CCAR1: variants seen among roughly 807,000 people sequenced by gnomAD.
CCAR1 encodes the protein cell division cycle and apoptosis regulator protein 1.
A neutral mutation model predicts 163.8 loss-of-function variants in CCAR1; 78 were observed. The ratio of observed to expected loss-of-function variants is 0.48; its 90% CI spans 0.40 to 0.57. The LOEUF (loss-of-function observed/expected upper bound fraction) is 0.57, where lower values mean the gene tolerates loss of function less well. Among genes scored for constraint, CCAR1 ranks in the 20% least tolerant of loss-of-function variants. CCAR1 has a pLI of 0.00. For synonymous variants in CCAR1, 443 were observed against 460.7 expected, an observed-to-expected ratio of 0.96 and a Z score of 0.49; for missense variants, 1,019 against 1,365.2, an observed-to-expected ratio of 0.75 and a Z score of 4.00.
At chr10:68,726,733 C>T (rs2055952980) in intron 2 of CCAR1, among the ~76,000 whole-genome samples, 1 of 152,030 alleles carries the variant, frequency 6.6e-6, no homozygotes, top group African/African-American at 2.4e-5. Flanking sequence ...CGTGGTGACT[C>T]ATGCCTGTAA....
chr10:68,775,632 TC>T (rs2056655802), intron 19 of CCAR1, among the ~76,000 whole-genome samples: 1 of 147,568 alleles, frequency 6.8e-6, no homozygotes, highest in African/African-American at 2.5e-5. Context: ...GCCTCAGCCT[TC>T]CGAGTAGCTG....
intron 2 of CCAR1, among the ~76,000 whole-genome samples, chr10:68,731,550 G>A (rs554008852): frequency 6.7e-6 from 1 of 148,700 alleles, no homozygotes; most frequent in African/African-American, 2.5e-5. Flanking sequence ...ATTTTTCCTA[G>A]CAGTCAAAAT....
intron 19 of CCAR1, among the ~76,000 whole-genome samples, chr10:68,776,170 T>C (rs767238610): frequency 6.6e-6 from 1 of 152,148 alleles, no homozygotes; most frequent in Non-Finnish European, 1.5e-5. Flanking sequence ...TTAATGTTGG[T>C]TTCATCCATT....
At chr10:68,761,783 G>A (rs1313226392) in intron 16 of CCAR1, among the ~76,000 whole-genome samples, 1 of 151,312 alleles carries the variant, frequency 6.6e-6, no homozygotes, top group Non-Finnish European at 1.5e-5. Flanking sequence ...TGTGTTTTTA[G>A]TAGAGAAGGT....
intron 14 of CCAR1, 72 bp from the exon 15 acceptor site, chr10:68,757,222 G>T: frequency 1.2e-6 from 1 of 848,406 alleles, no homozygotes; most frequent in South Asian, 1.6e-5. Context: ...ATCAGCAACA[G>T]ACTTTTAAAA....
intron 19 of CCAR1, among the ~76,000 whole-genome samples, chr10:68,779,884 A>G (rs2056714690): frequency 6.6e-6 from 1 of 152,200 alleles, no homozygotes; most frequent in African/African-American, 2.4e-5. Context: ...GTGTAGTGAC[A>G]TGGAAAAAGA....
chr10:68,788,580 A>G (rs1023214369), intron 23 of CCAR1, among the ~76,000 whole-genome samples: 3 of 151,982 alleles, frequency 2.0e-5, no homozygotes, highest in Admixed American at 6.6e-5. Flanking sequence ...TGCCTCCCGG[A>G]TCCAAGTGAT....
At position 68,786,603 on chromosome 10, in the gene CCAR1, T is replaced by A; in HGVS notation, c.2791T>A (p.Tyr931Asn). The change falls in exon 21 of 25, where the codon TAT becomes AAT. Residue 931 changes from tyrosine (Y) to asparagine (N), a missense_variant. Physicochemically the swap from Tyr to Asn is moderately radical, Grantham distance 143 (BLOSUM62 -2). Transcript: ENST00000265872. The part of the protein sequence containing the change: ...INRDLLMAFV[Y>N]FDQSHCGYLL... ...CAGAGATCTGTTAATGGCTTTTGTT[T>A]ATTTTGATCAAAGTCATTGTGGTTA... is the stretch of plus-strand genomic sequence containing the variant. The A allele has an allele frequency of 6.2e-7, 1 of 1,602,680 alleles. No individual in the cohort carries two copies. Among genetic ancestry groups the A allele is most frequent in the Non-Finnish European group, 8.5e-7 (1 of 1,174,174 alleles).
At chr10:68,790,643 C>G (rs2056842455) in intron 24 of CCAR1, among the ~76,000 whole-genome samples, 2 of 152,064 alleles carry the variant, frequency 1.3e-5, no homozygotes, top group Admixed American at 1.3e-4. Flanking sequence ...ATCCTCCCAC[C>G]TCAGCCTCCT....
At chr10:68,721,379 G>A (rs141567791) in intron 1 of CCAR1, 97 bp downstream of exon 1, 5,001 of 289,218 alleles carry the variant, frequency 0.017, 84 homozygotes, top group Non-Finnish European at 0.024. Context: ...CGATCTTTTG[G>A]GTAGCCCGGC....
At chr10:68,730,147 C>T (rs1355291813) in intron 2 of CCAR1, among the ~76,000 whole-genome samples, 1 of 151,800 alleles carries the variant, frequency 6.6e-6, no homozygotes, top group Non-Finnish European at 1.5e-5. Flanking sequence ...GTCTCAAACT[C>T]CTAACCCCCT....
At chr10:68,725,912 C>G (rs895046520) in intron 2 of CCAR1, among the ~76,000 whole-genome samples, 1 of 151,648 alleles carries the variant, frequency 6.6e-6, no homozygotes, top group African/African-American at 2.4e-5. Flanking sequence ...ATCCAGGAGT[C>G]CAAGACCAGC....
chr10:68,742,445 T>A lies in CCAR1; in HGVS notation c.394T>A (p.Tyr132Asn). Residue 132 changes from tyrosine to asparagine, a missense_variant, in exon 6 of 25, where the codon TAT becomes AAT. Physicochemically the swap from Tyr to Asn is moderately radical, Grantham distance 143 (BLOSUM62 -2). This residue lies in a region of CCAR1 where 644 missense variants were observed against 904.4 expected (regional missense o/e 0.71). Transcript: ENST00000265872. ...GCCAACAGCACAAATAACTGTATCA[T>A]ATCCAACACCAAGGTCCAGTCAACA... ...PQPTAQITVS[Y>N]PTPRSSQQQT... 6.2e-7 allele frequency: 1 copy of A among 1,614,224 alleles called. No individual in the cohort carries two copies. The highest frequency in any genetic ancestry group is 8.5e-7 in the Non-Finnish European group (1 of 1,180,044).
intron 8 of CCAR1, among the ~76,000 whole-genome samples, chr10:68,748,856 T>C (rs1031483318): frequency 6.6e-6 from 1 of 152,110 alleles, no homozygotes; most frequent in Non-Finnish European, 1.5e-5. Flanking sequence ...TTTGCACCTT[T>C]TTTTAGAGAT....
At chr10:68,723,822 T>G (rs2133291340) in intron 2 of CCAR1, among the ~76,000 whole-genome samples, 1 of 144,028 alleles carries the variant, frequency 6.9e-6, no homozygotes, top group Admixed American at 7.4e-5. Context: ...CACTTCAGCC[T>G]GGGTGACAGA....
intron 16 of CCAR1, among the ~76,000 whole-genome samples, chr10:68,764,090 ATATT>A (rs754753870): frequency 6.6e-5 from 10 of 152,196 alleles, no homozygotes; most frequent in Non-Finnish European, 1.3e-4. Context: ...ATTTAAATCT[ATATT>A]TATTTCTATA....
At chr10:68,766,195 G>A (rs1589179147) in intron 17 of CCAR1, 116 bp downstream of exon 17, 3 of 670,256 alleles carry the variant, frequency 4.5e-6, no homozygotes, top group East Asian at 2.9e-5. Flanking sequence ...GGTTTTTTTT[G>A]TTTTGTTTTG....
chr10:68,761,391 C>G (rs2056468058), intron 16 of CCAR1, among the ~76,000 whole-genome samples, 199 bp downstream of exon 16: 1 of 152,150 alleles, frequency 6.6e-6, no homozygotes, highest in Non-Finnish European at 1.5e-5. Flanking sequence ...ACTGCAACCT[C>G]CGCATCCCAG....
intron 21 of CCAR1, 54 bp from the exon 22 acceptor site, chr10:68,787,873 G>A (rs2056813112): frequency 2.6e-6 from 4 of 1,510,404 alleles, no homozygotes; most frequent in Non-Finnish European, 3.6e-6. Context: ...TTTTCTAAGA[G>A]AATCAAGAAA....
Sources: gnomAD v4.1 joint callset for allele counts (sites outside exome capture counted in the v4.1 genomes callset) on GRCh38, gnomAD v4.1.1 for gene constraint, gnomAD v4.1.1 regional missense constraint, MANE v1.5 for transcripts, NCBI Gene and HGNC (gene_info 2026-07-23, HGNC 2026-07-21) for gene names.